Variants in SPMAP2L observed in about 807,000 individuals in gnomAD.
The protein encoded by SPMAP2L is sperm microtubule associated protein 2-like.
chr4:56,554,579 T>C, the SPMAP2L span, among the ~76,000 whole-genome samples: 4 of 152,224 alleles, frequency 2.6e-5, no homozygotes, highest in African/African-American at 9.6e-5. Context: ...ATCAGATACT[T>C]GTTTTGCAAA....
At chr4:56,601,067 A>T in the SPMAP2L span, 8 of 1,535,274 alleles carry the variant, frequency 5.2e-6, no homozygotes, top group Non-Finnish European at 7.0e-6. Context: ...ACTCATTCCA[A>T]AGCATCACCT....
chr4:56,591,235 G>T, the SPMAP2L span, among the ~76,000 whole-genome samples: 16 of 152,160 alleles, frequency 1.1e-4, no homozygotes, highest in Admixed American at 2.0e-4. Flanking sequence ...CTTCCCCTTT[G>T]CTCTGTCTCC....
the SPMAP2L span, among the ~76,000 whole-genome samples, chr4:56,538,187 C>A: frequency 1.3e-5 from 2 of 148,476 alleles, no homozygotes; most frequent in South Asian, 2.1e-4. Context: ...GTGTAGAGCT[C>A]CACGGGGTCT....
At chr4:56,544,871 C>T in the SPMAP2L span, among the ~76,000 whole-genome samples, 3 of 152,218 alleles carry the variant, frequency 2.0e-5, no homozygotes, top group Admixed American at 1.3e-4. Context: ...AGCTCAGCAA[C>T]GGCAGCATTC....
chr4:56,568,528 T>A, the SPMAP2L span, among the ~76,000 whole-genome samples: 2 of 152,174 alleles, frequency 1.3e-5, no homozygotes, highest in Admixed American at 1.3e-4. Context: ...AATTTGCTCA[T>A]TTAAGGTATA....
chr4:56,620,386 G>GT, the SPMAP2L span, among the ~76,000 whole-genome samples: 12,409 of 141,862 alleles, frequency 0.087, 845 homozygotes, highest in East Asian at 0.34. Context: ...TAGCCTTCTA[G>GT]TTTTTTTTTT....
chr4:56,570,628 G>A, the SPMAP2L span, among the ~76,000 whole-genome samples: 50 of 152,112 alleles, frequency 3.3e-4, no homozygotes, highest in African/African-American at 1.2e-3. Context: ...AAGTTGTTCT[G>A]GGTGGGTCAG....
the SPMAP2L span, among the ~76,000 whole-genome samples, chr4:56,602,799 C>A: frequency 1.6e-4 from 25 of 152,146 alleles, no homozygotes; most frequent in Non-Finnish European, 3.2e-4. Context: ...TGGTAAGGTG[C>A]TGAGAGTGGC....
At chr4:56,610,798 A>G in the SPMAP2L span, among the ~76,000 whole-genome samples, 3 of 152,216 alleles carry the variant, frequency 2.0e-5, no homozygotes, top group Non-Finnish European at 4.4e-5. Flanking sequence ...TGAGTAGACA[A>G]TTCTCAAAGG....
At chr4:56,614,589 G>A in the SPMAP2L span, among the ~76,000 whole-genome samples, 8 of 152,102 alleles carry the variant, frequency 5.3e-5, no homozygotes, top group Non-Finnish European at 1.0e-4. Context: ...AGGAGGCAGA[G>A]GTTGCAGTGA....
chr4:56,596,620 C>T, the SPMAP2L span: 12 of 1,519,294 alleles, frequency 7.9e-6, no homozygotes, highest in African/African-American at 4.2e-5. Context: ...AAGTGAACTG[C>T]CCATCCGTCC....
At chr4:56,609,050 CTT>C in the SPMAP2L span, among the ~76,000 whole-genome samples, 97 of 115,582 alleles carry the variant, frequency 8.4e-4, no homozygotes, top group Middle Eastern at 4.3e-3. Context: ...TTCTTTCTTT[CTT>C]TTTTTTTTTT....
At chr4:56,593,364 CA>C in the SPMAP2L span, 2 of 1,232,198 alleles carry the variant, frequency 1.6e-6, no homozygotes, top group Non-Finnish European at 2.4e-6. Context: ...AGACTCGAGC[CA>C]AATATACTGG....
chr4:56,558,213 C>T, the SPMAP2L span, among the ~76,000 whole-genome samples: 2 of 152,166 alleles, frequency 1.3e-5, no homozygotes, highest in African/African-American at 4.8e-5. Flanking sequence ...GGTGATCCAC[C>T]TGCCTTGGCC....
the SPMAP2L span, among the ~76,000 whole-genome samples, chr4:56,620,420 T>G: frequency 6.6e-6 from 1 of 151,902 alleles, no homozygotes; most frequent in Non-Finnish European, 1.5e-5. Flanking sequence ...AATTTTGTTC[T>G]TGTTGCCCAG....
the SPMAP2L span, among the ~76,000 whole-genome samples, chr4:56,589,469 G>A: frequency 6.6e-6 from 1 of 152,260 alleles, no homozygotes; most frequent in East Asian, 1.9e-4. Flanking sequence ...ATTTTGTGAA[G>A]AATGATGGTG....
the SPMAP2L span, among the ~76,000 whole-genome samples, chr4:56,550,532 G>A: frequency 6.6e-6 from 1 of 152,084 alleles, no homozygotes; most frequent in Non-Finnish European, 1.5e-5. Flanking sequence ...AACATTTACT[G>A]AATATTACCA....
At chr4:56,579,474 AT>A in the SPMAP2L span, among the ~76,000 whole-genome samples, 1 of 130,264 alleles carries the variant, frequency 7.7e-6, no homozygotes, top group Non-Finnish European at 1.5e-5. Context: ...AAATGCCTAT[AT>A]TAAAAAAAAA....
the SPMAP2L span, chr4:56,531,254 A>C: frequency 7.0e-7 from 1 of 1,434,136 alleles, no homozygotes; most frequent in Non-Finnish European, 9.2e-7. Context: ...CCCCATCTAG[A>C]ACCGGGGGTC....
Sources: allele counts gnomAD v4.1 joint callset (sites outside exome capture counted in the v4.1 genomes callset), GRCh38; gene constraint gnomAD v4.1.1; transcripts MANE v1.5; gene names NCBI Gene and HGNC (gene_info 2026-07-23, HGNC 2026-07-21).